The following PPARGC1A variants were observed in gnomAD, a reference collection of about 807,000 sequenced individuals.
PPARGC1A encodes the protein peroxisome proliferator-activated receptor gamma coactivator 1-alpha.
A neutral mutation model predicts 88.7 loss-of-function variants in PPARGC1A; 25 were observed. The observed-to-expected ratio is 0.28, with a 90% confidence interval of 0.21 to 0.39. PPARGC1A has a LOEUF of 0.39. Among genes scored for constraint, PPARGC1A ranks in the 10% least tolerant of loss-of-function variants. The pLI is 1.00. For synonymous variants in PPARGC1A, 363 were observed against 355.6 expected, an observed-to-expected ratio of 1.02 and a Z score of -0.24; for missense variants, 880 against 968.7, an observed-to-expected ratio of 0.91 and a Z score of 1.22.
At chr4:23,825,853 A>G (rs1437193241) in intron 5 of PPARGC1A, among the ~76,000 whole-genome samples, 1 of 152,170 alleles carries the variant, frequency 6.6e-6, no homozygotes, top group Non-Finnish European at 1.5e-5. Flanking sequence ...CTGATTTTAC[A>G]TTAATTTTTG....
At chr4:24,100,603 C>T in the PPARGC1A span, among the ~76,000 whole-genome samples, 1 of 152,008 alleles carries the variant, frequency 6.6e-6, no homozygotes, top group Non-Finnish European at 1.5e-5. Context: ...TATTGAGTGC[C>T]ACAAAATGTC....
chr4:23,880,752 G>A (rs1380971558), intron 2 of PPARGC1A: 2 of 152,178 alleles, frequency 1.3e-5, no homozygotes, highest in Non-Finnish European at 2.9e-5. Flanking sequence ...AAAGTTCACA[G>A]TTTCAGGCTT....
chr4:23,932,501 TATAA>T, the PPARGC1A span, among the ~76,000 whole-genome samples: 1 of 152,068 alleles, frequency 6.6e-6, no homozygotes, highest in African/African-American at 2.4e-5. Context: ...CAAAATTAAA[TATAA>T]ATAGAGAAAC....
At chr4:24,203,305 A>G in the PPARGC1A span, among the ~76,000 whole-genome samples, 2 of 152,126 alleles carry the variant, frequency 1.3e-5, no homozygotes, top group Admixed American at 1.3e-4. Context: ...TTGGGAGGCC[A>G]AGGCAGGTGG....
the PPARGC1A span, among the ~76,000 whole-genome samples, chr4:24,188,424 G>T: frequency 6.6e-6 from 1 of 152,194 alleles, no homozygotes; most frequent in African/African-American, 2.4e-5. Context: ...GAACCCCTAG[G>T]CACATTATGA....
At chr4:24,172,259 T>C in the PPARGC1A span, among the ~76,000 whole-genome samples, 17 of 152,328 alleles carry the variant, frequency 1.1e-4, no homozygotes, top group African/African-American at 4.1e-4. Flanking sequence ...TATGTTCAGA[T>C]AAACTTCCAA....
chr4:23,863,195 C>A (rs1172713804), intron 2 of PPARGC1A, among the ~76,000 whole-genome samples: 1 of 152,068 alleles, frequency 6.6e-6, no homozygotes, highest in African/African-American at 2.4e-5. Context: ...TCACCATCAC[C>A]CCCTAATTCA....
At chr4:24,315,032 A>C in the PPARGC1A span, among the ~76,000 whole-genome samples, 1 of 152,010 alleles carries the variant, frequency 6.6e-6, no homozygotes, top group Non-Finnish European at 1.5e-5. Flanking sequence ...TAAAAAAAAA[A>C]AAAAAAGAAA....
chr4:24,387,924 A>AAG, the PPARGC1A span, among the ~76,000 whole-genome samples: 4 of 37,214 alleles, frequency 1.1e-4, no homozygotes, highest in South Asian at 8.4e-4. Context: ...GAAAGAAAGA[A>AAG]AGAAAGAAAG....
At chr4:24,140,801 C>T in the PPARGC1A span, among the ~76,000 whole-genome samples, 1 of 152,264 alleles carries the variant, frequency 6.6e-6, no homozygotes, top group South Asian at 2.1e-4. Context: ...GATGAATGTG[C>T]TTATCCTCAG....
the PPARGC1A span, among the ~76,000 whole-genome samples, chr4:24,236,084 A>G: frequency 6.6e-6 from 1 of 152,224 alleles, no homozygotes; most frequent in Non-Finnish European, 1.5e-5. Flanking sequence ...CAACCAAATC[A>G]AAGAAGAAAA....
chr4:24,272,780 C>T, the PPARGC1A span, among the ~76,000 whole-genome samples: 4,107 of 152,274 alleles, frequency 0.027, 94 homozygotes, highest in Non-Finnish European at 0.042. Context: ...CTGTCTGAAA[C>T]CACCATGAAC....
the PPARGC1A span, among the ~76,000 whole-genome samples, chr4:24,029,241 T>C: frequency 6.6e-6 from 1 of 152,190 alleles, no homozygotes; most frequent in African/African-American, 2.4e-5. Flanking sequence ...ACTAGGGAAT[T>C]CTGAAGGTTT....
the PPARGC1A span, among the ~76,000 whole-genome samples, chr4:24,003,059 CAT>C: frequency 1.3e-5 from 2 of 152,122 alleles, no homozygotes; most frequent in Non-Finnish European, 2.9e-5. Flanking sequence ...CGAAAGGAAT[CAT>C]AGTCTTGTTT....
the PPARGC1A span, among the ~76,000 whole-genome samples, chr4:24,005,657 A>G: frequency 2.6e-5 from 4 of 152,212 alleles, no homozygotes; most frequent in Non-Finnish European, 4.4e-5. Context: ...ACCAAGGCCA[A>G]CGGAAAGGAT....
the PPARGC1A span, among the ~76,000 whole-genome samples, chr4:23,975,562 C>T: frequency 6.6e-6 from 1 of 152,068 alleles, no homozygotes; most frequent in Non-Finnish European, 1.5e-5. Context: ...GGATTACAGG[C>T]GCATGCCACC....
At chr4:24,457,457 T>C in the PPARGC1A span, among the ~76,000 whole-genome samples, 2 of 152,190 alleles carry the variant, frequency 1.3e-5, no homozygotes, top group Non-Finnish European at 2.9e-5. Context: ...CAAACAATAA[T>C]GATGCCATAG....
the PPARGC1A span, chr4:24,091,671 G>A: frequency 1.0e-6 from 1 of 981,864 alleles, no homozygotes; most frequent in Non-Finnish European, 1.2e-6. Context: ...GAGGATGAGG[G>A]ATCGGGCAGG....
At chr4:24,157,251 G>C in the PPARGC1A span, among the ~76,000 whole-genome samples, 2 of 152,100 alleles carry the variant, frequency 1.3e-5, no homozygotes, top group Non-Finnish European at 2.9e-5. Context: ...GGCCATCATG[G>C]GTCAACTGCT....
Sources: allele counts gnomAD v4.1 joint callset (sites outside exome capture counted in the v4.1 genomes callset), GRCh38; gene constraint gnomAD v4.1.1; transcripts MANE v1.5; gene names NCBI Gene and HGNC (gene_info 2026-07-23, HGNC 2026-07-21).